The following CRISPLD2 variants were observed in gnomAD, a reference collection of about 807,000 sequenced individuals.
The protein encoded by CRISPLD2 is cysteine-rich secretory protein LCCL domain-containing 2.
CRISPLD2 carries 47 observed loss-of-function variants against 71.1 expected under a neutral mutation model. The ratio of observed to expected loss-of-function variants is 0.66; its 90% CI spans 0.52 to 0.84. The LOEUF (loss-of-function observed/expected upper bound fraction) is 0.84. Ranked by LOEUF, CRISPLD2 falls within the 40% of genes least tolerant of loss-of-function variation. The pLI is 0.00. For missense variants in CRISPLD2, 830 were observed against 651.1 expected (o/e 1.27, Z -2.99); for synonymous variants, 317 against 250.1 (o/e 1.27, Z -2.52).
chr16:84,901,410 G>A (rs559852879), intron 14 of CRISPLD2, among the ~76,000 whole-genome samples: 9 of 151,978 alleles, frequency 5.9e-5, no homozygotes, highest in East Asian at 3.9e-4. Flanking sequence ...TAAAATGTGC[G>A]GCTATGATTA....
At chr16:84,867,965 C>T (rs752640064) in intron 7 of CRISPLD2, among the ~76,000 whole-genome samples, 1 of 152,166 alleles carries the variant, frequency 6.6e-6, no homozygotes, top group Admixed American at 6.5e-5. Flanking sequence ...TTCTGCAGGC[C>T]GGGGGCTGTG....
At chr16:84,861,148 C>T (rs1295714245) in intron 6 of CRISPLD2, among the ~76,000 whole-genome samples, 3 of 152,150 alleles carry the variant, frequency 2.0e-5, no homozygotes, top group Non-Finnish European at 4.4e-5. Flanking sequence ...CAGTGTTCTC[C>T]ATACTATTAG....
At chr16:84,870,787 G>A (rs570070158) in intron 8 of CRISPLD2, among the ~76,000 whole-genome samples, 12 of 152,164 alleles carry the variant, frequency 7.9e-5, no homozygotes, top group African/African-American at 1.9e-4. Flanking sequence ...GGCCAGGTAC[G>A]GTGGCTCAAG....
rs888555282 is a variant in CRISPLD2, at chr16:84,820,050, T to A, written c.-158T>A. 1 of 152,428 alleles carries A rather than the reference T, an allele frequency of 6.6e-6. No homozygotes were observed. The highest frequency in any genetic ancestry group is 1.5e-5 in the Non-Finnish European group (1 of 68,160). 9.4% of individuals were successfully genotyped at this position (152,428 alleles called of 1,614,324 possible). A position where few individuals can be genotyped will look rare whatever the true frequency, so the allele number is the denominator to read the frequency against. Reference sequence around the variant, plus strand: ...GTCTGCTCGCTGTGCCCGCTGTGCCTGCTGTGCCCGCGCTGTCGCCGCTGC... The same window carrying A: ...GTCTGCTCGCTGTGCCCGCTGTGCCAGCTGTGCCCGCGCTGTCGCCGCTGC... On this transcript the variant is annotated 5_prime_UTR_variant, in exon 1 of 15. Transcript: ENST00000262424.
At chr16:84,896,040 CTT>C (rs540789413) in intron 14 of CRISPLD2, among the ~76,000 whole-genome samples, 66 of 140,042 alleles carry the variant, frequency 4.7e-4, no homozygotes, top group Non-Finnish European at 4.2e-4. Flanking sequence ...GATTGGAATC[CTT>C]TTTTTTTTTT....
chr16:84,853,415 C>A (rs1917144061), intron 5 of CRISPLD2, among the ~76,000 whole-genome samples: 2 of 152,200 alleles, frequency 1.3e-5, no homozygotes, highest in South Asian at 4.1e-4. Context: ...CGGACGCGAT[C>A]ATTCTGCCTC....
chr16:84,839,718 C>T (rs1331424344), intron 2 of CRISPLD2: 1 of 152,240 alleles, frequency 6.6e-6, no homozygotes, highest in Non-Finnish European at 1.5e-5. Flanking sequence ...CAGGGTCCCT[C>T]CTCGTCCACC....
intron 13 of CRISPLD2, among the ~76,000 whole-genome samples, chr16:84,885,103 G>C (rs1314442053): frequency 6.6e-6 from 1 of 152,218 alleles, no homozygotes; most frequent in Non-Finnish European, 1.5e-5. Flanking sequence ...CATTGATCCT[G>C]AACGCTGACA....
chr16:84,858,034 C>G (rs1917288006), intron 6 of CRISPLD2, among the ~76,000 whole-genome samples: 1 of 152,176 alleles, frequency 6.6e-6, no homozygotes, highest in Non-Finnish European at 1.5e-5. Flanking sequence ...AGCCCAGTAA[C>G]AGGCCAAGAG....
chr16:84,902,129 G>T (rs895629272), intron 14 of CRISPLD2, among the ~76,000 whole-genome samples: 1 of 152,036 alleles, frequency 6.6e-6, no homozygotes, highest in African/African-American at 2.4e-5. Context: ...ACGCTTTGGG[G>T]TCTACAAGGC....
chr16:84,839,505 C>T (rs968562790), intron 2 of CRISPLD2: 6 of 155,016 alleles, frequency 3.9e-5, no homozygotes, highest in African/African-American at 1.4e-4. Context: ...ACAGACTGAC[C>T]CTGCCTCCCC....
intron 13 of CRISPLD2, among the ~76,000 whole-genome samples, chr16:84,886,119 T>A (rs1279181732): frequency 6.6e-6 from 1 of 152,126 alleles, no homozygotes; most frequent in Admixed American, 6.6e-5. Context: ...CAAACTCCTG[T>A]CCTCAGGTGA....
At chr16:84,856,272 T>C (rs989950755) in intron 6 of CRISPLD2, among the ~76,000 whole-genome samples, 11 of 152,208 alleles carry the variant, frequency 7.2e-5, no homozygotes, top group Admixed American at 3.9e-4. Context: ...AGCTCCTGTA[T>C]TCCACGCATA....
chr16:84,866,754 T>C, intron 6 of CRISPLD2, 143 bp from the exon 7 acceptor site: 1 of 779,656 alleles, frequency 1.3e-6, no homozygotes, highest in Non-Finnish European at 2.1e-6. Context: ...TTCTGAAATG[T>C]AACTTTCTCT....
In CRISPLD2 at chr16:84,849,415, C is replaced by G. The variant is rs778473162; in HGVS notation, c.390C>G (p.Ser130=). 8 of 1,614,114 alleles carry G rather than the reference C, an allele frequency of 5.0e-6. No individual in the cohort carries two copies. The stretch of plus-strand genomic sequence containing the variant: ...GCTCTCCGGGGTTCCATGTGCAGTC[C>G]TGGTATGACGAGGTGAAGGACTACA... ...RYRSPGFHVQ[S]WYDEVKDYTY... The change falls in exon 4 of 15, where the codon TCC becomes TCG. Residue 130 remains serine (S), a synonymous_variant. Transcript: ENST00000262424.
intron 1 of CRISPLD2, among the ~76,000 whole-genome samples, chr16:84,831,275 C>A (rs1445428716): frequency 6.6e-6 from 1 of 152,100 alleles, no homozygotes; most frequent in Non-Finnish European, 1.5e-5. Context: ...ACATGAATCC[C>A]CCAGACCTGG....
At chr16:84,838,345 G>A (rs1916677142) in intron 1 of CRISPLD2, 77 bp from the exon 2 acceptor site, 1 of 854,844 alleles carries the variant, frequency 1.2e-6, no homozygotes, top group South Asian at 1.6e-5. Flanking sequence ...CGTGTGTGCT[G>A]CGTTCGCTGC....
At chr16:84,853,153 G>A (rs1917135599) in intron 5 of CRISPLD2, among the ~76,000 whole-genome samples, 1 of 152,178 alleles carries the variant, frequency 6.6e-6, no homozygotes, top group African/African-American at 2.4e-5. Flanking sequence ...GGTTGAGCTG[G>A]GAGCGTCAGT....
At chr16:84,860,112 G>T (rs551702398) in intron 6 of CRISPLD2, among the ~76,000 whole-genome samples, 3 of 151,732 alleles carry the variant, frequency 2.0e-5, no homozygotes, top group Non-Finnish European at 4.4e-5. Context: ...CAAGGGAGAT[G>T]AGGCATTTCC....
Sources: gnomAD v4.1 joint callset for allele counts (sites outside exome capture counted in the v4.1 genomes callset) on GRCh38, gnomAD v4.1.1 for gene constraint, MANE v1.5 for transcripts, NCBI Gene and HGNC (gene_info 2026-07-23, HGNC 2026-07-21) for gene names.